RADIL: variants seen among roughly 807,000 people sequenced by gnomAD.
RADIL encodes Rap associating with DIL domain, also known as ras-associating and dilute domain-containing protein.
A neutral mutation model predicts 97.6 loss-of-function variants in RADIL; 99 were observed. The ratio of observed to expected loss-of-function variants is 1.01; its 90% CI spans 0.86 to 1.20. The LOEUF (loss-of-function observed/expected upper bound fraction) is 1.20, where lower values mean the gene tolerates loss of function less well. RADIL is among the 50% of genes most tolerant of loss of function. The pLI is 0.00. For missense variants in RADIL, 1,765 were observed against 1,498.9 expected (o/e 1.18, Z -2.93); for synonymous variants, 803 against 691.8 (o/e 1.16, Z -2.52).
Position 4,835,193 on chromosome 7 carries a change from T to C in RADIL, c.830A>G (p.Gln277Arg), listed in dbSNP as rs1305439500. Residue 277 changes from glutamine (Q) to arginine (R), a missense_variant, in exon 4 of 15, where the codon CAG becomes CGG. Coordinates refer to ENST00000399583, the MANE Select transcript of RADIL (RefSeq NM_018059.5). This position sits in a 1 kb window ranked among gnomAD's most constrained non-coding sequence, Gnocchi z 5.8. ...VLNRDRHTVG[Q>R]RTPSSKPSIS... ...GCTGGGCTTGCTGGAGGGGGTCCGC[T>C]GGCCCACCGTGTGCCGGTCCCGGTT... 10 of 1,611,810 alleles carry C rather than the reference T, an allele frequency of 6.2e-6. No individual in the cohort carries two copies. Among genetic ancestry groups the C allele is most frequent in the Non-Finnish European group, 8.5e-6 (10 of 1,179,810 alleles).
intron 2 of RADIL, chr7:4,860,921 T>C (rs1483329693): frequency 6.2e-7 from 1 of 1,614,208 alleles, no homozygotes; most frequent in South Asian, 1.1e-5. Context: ...TACAGGCAAA[T>C]TAAGATTCCG....
chr7:4,858,064 G>A (rs1392892624), intron 2 of RADIL: 1 of 152,520 alleles, frequency 6.6e-6, no homozygotes, highest in African/African-American at 2.4e-5. Flanking sequence ...TACAGATATT[G>A]TGCACACTTC....
At chr7:4,825,323 C>A (rs955958326) in intron 5 of RADIL, among the ~76,000 whole-genome samples, 1 of 152,182 alleles carries the variant, frequency 6.6e-6, no homozygotes, top group Non-Finnish European at 1.5e-5. Flanking sequence ...TGGAGTCCCA[C>A]TCCTGGGAAC....
At chr7:4,836,632 C>T (rs1016642598) in intron 2 of RADIL, 27 bp from the exon 3 acceptor site, 47 of 1,603,316 alleles carry the variant, frequency 2.9e-5, no homozygotes, top group Non-Finnish European at 3.4e-5. Context: ...ACAAGGTGAA[C>T]AGTTAGAAGT....
At chr7:4,882,119 T>C (rs1784500386) in intron 1 of RADIL, 1 of 152,262 alleles carries the variant, frequency 6.6e-6, no homozygotes, top group South Asian at 2.1e-4. Flanking sequence ...CTTATCTGTT[T>C]TGGGATTTTC....
intron 12 of RADIL, among the ~76,000 whole-genome samples, chr7:4,800,588 G>C (rs773962209): frequency 2.0e-5 from 3 of 152,064 alleles, no homozygotes; most frequent in Admixed American, 6.5e-5. Flanking sequence ...CTGTTTTCCA[G>C]CTCCAGGGAC....
Position 4,872,060 on chromosome 7 carries a change from G to A in RADIL, c.535+5545C>T, listed in dbSNP as rs1784268862. Among the ~76,000 whole-genome samples, 1 of 152,170 alleles carries A rather than the reference G, an allele frequency of 6.6e-6. No homozygotes were observed. The highest frequency in any genetic ancestry group is 6.5e-5 in the Admixed American group (1 of 15,280). ...TTTGCCAGGCACCCAGCCCCTCCGAGAGTGGCCCAGGAGAAACAAATGTCG... is the reference window on the plus strand; with the variant it reads ...TTTGCCAGGCACCCAGCCCCTCCGAAAGTGGCCCAGGAGAAACAAATGTCG... On this transcript the variant is annotated intron_variant, in intron 2 of 14. Transcript: ENST00000399583. The surrounding 1 kb of genome is among the most constrained non-coding windows in gnomAD (Gnocchi z 5.8).
At chr7:4,870,518 T>G (rs373640034) in intron 2 of RADIL, among the ~76,000 whole-genome samples, 1 of 152,290 alleles carries the variant, frequency 6.6e-6, no homozygotes, top group African/African-American at 2.4e-5. Flanking sequence ...CTCAGCTCAT[T>G]GCAAGCTCCA....
chr7:4,881,588 A>G (rs1784488399), intron 1 of RADIL, among the ~76,000 whole-genome samples: 1 of 148,404 alleles, frequency 6.7e-6, no homozygotes. Flanking sequence ...TTAGCTGGGC[A>G]TGGTGGCGGG....
rs1044656450 is a variant in RADIL, at chr7:4,799,333, G to C, written c.*45C>G. 5.0e-6 allele frequency: 8 copies of C among 1,588,274 alleles called. No individual in the cohort carries two copies. Among genetic ancestry groups the C allele is most frequent in the Non-Finnish European group, 6.9e-6 (8 of 1,157,914 alleles). On this transcript the variant is annotated 3_prime_UTR_variant, in exon 15 of 15. Coordinates refer to ENST00000399583, the MANE Select transcript of RADIL (RefSeq NM_018059.5). ...GGCGGGAGGAAGCCCAGTGTCACCA[G>C]GTGGGACCGGGTGCCGGGCCTGTGG...
At chr7:4,856,940 G>A (rs926444252) in intron 2 of RADIL, among the ~76,000 whole-genome samples, 27 of 152,216 alleles carry the variant, frequency 1.8e-4, no homozygotes, top group Admixed American at 1.4e-3. Context: ...GACAGAGACC[G>A]GATGGCTTCA....
At chr7:4,839,142 T>A (rs1294504819) in intron 2 of RADIL, among the ~76,000 whole-genome samples, 2 of 152,186 alleles carry the variant, frequency 1.3e-5, no homozygotes, top group Non-Finnish European at 2.9e-5. Flanking sequence ...ATGTAACACA[T>A]GATATGACGC....
rs1014502112 is a variant in RADIL at position 4,842,807 on chromosome 7, G to C, written c.536-6202C>G. On this transcript the variant is annotated intron_variant, in intron 2 of 14. Transcript: ENST00000399583. The surrounding 1 kb of genome is among the most constrained non-coding windows in gnomAD (Gnocchi z 4.5). ...GTGGAGACGGAGGGGATAATGAAACGTTCCTGGGCTGGGGAACTTTACCAC... is the reference window on the plus strand; with the variant it reads ...GTGGAGACGGAGGGGATAATGAAACCTTCCTGGGCTGGGGAACTTTACCAC... Among the ~76,000 whole-genome samples, 3 of 152,028 alleles carry C rather than the reference G, an allele frequency of 2.0e-5. No homozygotes were observed. The highest frequency in any genetic ancestry group is 2.9e-5 in the Non-Finnish European group (2 of 68,014).
intron 9 of RADIL, 51 bp from the exon 10 acceptor site, chr7:4,805,767 A>G: frequency 1.3e-5 from 20 of 1,564,750 alleles, no homozygotes; most frequent in Non-Finnish European, 1.6e-5. Context: ...TGCAGACCCC[A>G]GCCCAAAGAG....
rs1219221252 is a variant in RADIL at position 4,803,416 on chromosome 7, C to T, written c.2499+130G>A. Reference sequence around the variant, plus strand: ...GGCACCTCGGGGCACACTGGCTGGGCCCCCTCCCCGGGCACCTCGGGGCAC... The same window carrying T: ...GGCACCTCGGGGCACACTGGCTGGGTCCCCTCCCCGGGCACCTCGGGGCAC... On this transcript the variant is annotated intron_variant, in intron 11 of 14. Transcript: ENST00000399583. The T allele has an allele frequency of 1.4e-5, 10 of 714,482 alleles. No individual in the cohort carries two copies. The East Asian group carries it at 1.6e-4, about 12-fold the overall frequency. 44.3% of individuals were successfully genotyped at this position (714,482 alleles called of 1,614,324 possible).
chr7:4,865,537 T>G, intron 2 of RADIL: 1 of 785,530 alleles, frequency 1.3e-6, no homozygotes, highest in Non-Finnish European at 2.3e-6. Context: ...TCTTCAAATA[T>G]TTTTTGTTGA....
At position 4,798,483 on chromosome 7, in the gene RADIL, G is replaced by A. The variant is rs914706759; in HGVS notation, c.*895C>T. The stretch of plus-strand genomic sequence containing the variant: ...CCACCACAGCCAGGAGGGCGCGGAA[G>A]CCACCCACACCCAGTTGGTGGAGCT... On this transcript the variant is annotated 3_prime_UTR_variant, in exon 15 of 15. Coordinates refer to ENST00000399583, the MANE Select transcript of RADIL (RefSeq NM_018059.5). The A allele has an allele frequency of 2.6e-5, 4 of 152,374 alleles. No homozygotes were observed. The highest frequency in any genetic ancestry group is 1.3e-4 in the Admixed American group (2 of 15,288). The allele number at this position is 152,374 out of a possible 1,614,324, so 9.4% of individuals were successfully genotyped here.
At chr7:4,851,690 GGT>G (rs150594830) in intron 2 of RADIL, among the ~76,000 whole-genome samples, 3,156 of 152,258 alleles carry the variant, frequency 0.021, 128 homozygotes, top group African/African-American at 0.072. Context: ...GGTGCTGCCT[GGT>G]TTCTTCTTGC....
chr7:4,835,389 C>T lies in RADIL; in HGVS notation c.784-150G>A. ...CCCTGGCCACCCCCACACCAGAACCCCGACGGCTCTCAGGAACCCGCCCCT... is the reference window on the plus strand; with the variant it reads ...CCCTGGCCACCCCCACACCAGAACCTCGACGGCTCTCAGGAACCCGCCCCT... On this transcript the variant is annotated intron_variant, in intron 3 of 14. Transcript: ENST00000399583. The surrounding 1 kb of genome is among the most constrained non-coding windows in gnomAD (Gnocchi z 5.8). 9.5e-7 allele frequency: 1 copy of T among 1,056,616 alleles called. No homozygotes were observed. Among genetic ancestry groups the T allele is most frequent in the East Asian group, 2.6e-5 (1 of 38,484 alleles). The allele number at this position is 1,056,616 out of a possible 1,614,324, so 65.5% of individuals were successfully genotyped here. A position where few individuals can be genotyped will look rare whatever the true frequency, so the allele number is the denominator to read the frequency against.
Sources: gnomAD v4.1 joint callset for allele counts (sites outside exome capture counted in the v4.1 genomes callset) on GRCh38, gnomAD v4.1.1 for gene constraint, Gnocchi (gnomAD v3.1) non-coding constraint, MANE v1.5 for transcripts, NCBI Gene and HGNC (gene_info 2026-07-23, HGNC 2026-07-21) for gene names.